Variants in DENND4C observed in about 807,000 individuals in gnomAD.
DENND4C encodes DENN domain containing 4C.
In DENND4C, 108 loss-of-function variants were observed where a neutral mutation model predicts 203.0. The observed-to-expected ratio is 0.53, with a 90% CI of 0.46 to 0.62. The LOEUF (loss-of-function observed/expected upper bound fraction) is 0.62, where lower values mean the gene tolerates loss of function less well. DENND4C is among the 20% of genes least tolerant of loss of function. The pLI is 0.00. For synonymous variants in DENND4C, 871 were observed against 792.4 expected, an observed-to-expected ratio of 1.10 and a Z score of -1.67; for missense variants, 2,481 against 2,301.2, an observed-to-expected ratio of 1.08 and a Z score of -1.60.
At chr9:19,308,711 C>T (rs1446863240) in intron 10 of DENND4C, among the ~76,000 whole-genome samples, 1 of 151,878 alleles carries the variant, frequency 6.6e-6, no homozygotes, top group Middle Eastern at 3.2e-3. Flanking sequence ...GTTTTTGGTT[C>T]TTGTATATGA....
chr9:19,338,014 C>G (rs1383291089), intron 20 of DENND4C, among the ~76,000 whole-genome samples: 1 of 152,164 alleles, frequency 6.6e-6, no homozygotes, highest in Non-Finnish European at 1.5e-5. Flanking sequence ...CTTTCCAAAA[C>G]TTATCTGCTG....
At chr9:19,276,098 T>A (rs1832861792) in intron 1 of DENND4C, 60 bp from the exon 2 acceptor site, 1 of 861,492 alleles carries the variant, frequency 1.2e-6, no homozygotes, top group East Asian at 3.3e-5. Flanking sequence ...CAAGGATATA[T>A]TAATTTTTGT....
At position 19,251,564 on chromosome 9, in the gene DENND4C, T is replaced by C. The variant is rs373618857; in HGVS notation, c.-18+20731T>C. The stretch of plus-strand genomic sequence containing the variant: ...AAATGGGATTTTCTTTTCTATTGCA[T>C]TGTCAGGATGCAAATTTTCTGAACT... On this transcript the variant is annotated intron_variant, in intron 1 of 32. Transcript: ENST00000434457. 2.0e-5 allele frequency among the ~76,000 whole-genome samples: 3 copies of C among 152,338 alleles called. No individual in the cohort carries two copies. The East Asian group carries it at 5.8e-4, about 29-fold the overall frequency.
At chr9:19,277,913 G>T (rs1833208692) in intron 2 of DENND4C, among the ~76,000 whole-genome samples, 1 of 151,978 alleles carries the variant, frequency 6.6e-6, no homozygotes, top group African/African-American at 2.4e-5. Context: ...AGATGATCAT[G>T]TATTTTTTCT....
At chr9:19,330,338 T>G (rs1189681413) in intron 16 of DENND4C, among the ~76,000 whole-genome samples, 1 of 145,756 alleles carries the variant, frequency 6.9e-6, no homozygotes, top group Non-Finnish European at 1.5e-5. Flanking sequence ...AGTTGGTTTT[T>G]TTTTTTTTTT....
chr9:19,266,579 C>T (rs1285098195), intron 1 of DENND4C, among the ~76,000 whole-genome samples: 2 of 152,112 alleles, frequency 1.3e-5, no homozygotes, highest in African/African-American at 2.4e-5. Flanking sequence ...TCAAACTATA[C>T]TACAAGGCTA....
At chr9:19,263,239 G>GATC (rs981419740) in intron 1 of DENND4C, among the ~76,000 whole-genome samples, 4 of 152,250 alleles carry the variant, frequency 2.6e-5, no homozygotes, top group Middle Eastern at 3.4e-3. Context: ...GTATCACATT[G>GATC]ATCGATTTGT....
chr9:19,326,595 T>G (rs1407404004), intron 15 of DENND4C, among the ~76,000 whole-genome samples: 1 of 152,094 alleles, frequency 6.6e-6, no homozygotes, highest in Non-Finnish European at 1.5e-5. Flanking sequence ...AGGATAGGAT[T>G]TGGATGTGAC....
chr9:19,259,319 T>C lies in DENND4C; in HGVS notation c.-17-16839T>C, dbSNP rs1392626843. Among the ~76,000 whole-genome samples, 3 of 152,180 alleles carry C rather than the reference T, an allele frequency of 2.0e-5. No individual in the cohort carries two copies. The East Asian group carries it at 5.8e-4, about 29-fold the overall frequency. On this transcript the variant is annotated intron_variant, in intron 1 of 32. Coordinates refer to ENST00000434457, the MANE Select transcript of DENND4C (RefSeq NM_001330640.2). Reference sequence around the variant, plus strand: ...TTTCCATTAGTTTAATTGTTTTAAGTTGTAGCTCCCACAAATGAGTAAGTG... The same window carrying C: ...TTTCCATTAGTTTAATTGTTTTAAGCTGTAGCTCCCACAAATGAGTAAGTG...
intron 10 of DENND4C, among the ~76,000 whole-genome samples, chr9:19,315,217 T>C (rs1247107578): frequency 6.6e-6 from 1 of 151,548 alleles, no homozygotes; most frequent in African/African-American, 2.4e-5. Flanking sequence ...CCAGTTTTAT[T>C]TGGAAGTTTC....
intron 1 of DENND4C, among the ~76,000 whole-genome samples, chr9:19,267,171 A>G (rs1830675907): frequency 6.6e-6 from 1 of 152,130 alleles, no homozygotes; most frequent in Non-Finnish European, 1.5e-5. Flanking sequence ...TCTTAGTTTT[A>G]TGTCTGGAAG....
intron 30 of DENND4C, among the ~76,000 whole-genome samples, chr9:19,367,209 G>A (rs1827859957): frequency 6.6e-6 from 1 of 152,150 alleles, no homozygotes; most frequent in Non-Finnish European, 1.5e-5. Flanking sequence ...GTGAAGATGT[G>A]GAGAAAGTGG....
intron 21 of DENND4C, among the ~76,000 whole-genome samples, chr9:19,341,660 G>T (rs1053963989): frequency 6.6e-6 from 1 of 152,106 alleles, no homozygotes; most frequent in Non-Finnish European, 1.5e-5. Flanking sequence ...TTCCAGGGAA[G>T]TGTGACCCAT....
intron 17 of DENND4C, among the ~76,000 whole-genome samples, chr9:19,334,394 G>A (rs1411308785): frequency 6.6e-6 from 1 of 152,070 alleles, no homozygotes; most frequent in African/African-American, 2.4e-5. Context: ...AAATTATGAG[G>A]AGTAATAGTC....
chr9:19,289,486 T>C (rs1045246321), intron 4 of DENND4C, among the ~76,000 whole-genome samples: 1 of 152,100 alleles, frequency 6.6e-6, no homozygotes, highest in Non-Finnish European at 1.5e-5. Flanking sequence ...ATTTATAATA[T>C]AAAAATAATG....
At chr9:19,265,476 T>G (rs928735687) in intron 1 of DENND4C, among the ~76,000 whole-genome samples, 3 of 152,238 alleles carry the variant, frequency 2.0e-5, no homozygotes, top group African/African-American at 7.2e-5. Context: ...TATTATACTT[T>G]AAGTTCTAGG....
Position 19,234,850 on chromosome 9 carries a change from T to C in DENND4C, c.-18+4017T>C, listed in dbSNP as rs572445446. 1.9e-4 allele frequency among the ~76,000 whole-genome samples: 29 copies of C among 151,498 alleles called. 2 individuals are homozygous for C. The highest frequency in any genetic ancestry group is 7.0e-4 in the African/African-American group (29 of 41,354). ...AGCCACTTTGTCTGACCCATACTTT[T>C]TTACTCTTAAAATAATGCTATAATG... On this transcript the variant is annotated intron_variant, in intron 1 of 32. Coordinates refer to ENST00000434457, the MANE Select transcript of DENND4C (RefSeq NM_001330640.2).
Position 19,296,249 on chromosome 9 carries a change from ATG to A in DENND4C, c.1040+5_1040+6del. The A allele has an allele frequency of 6.4e-7, 1 of 1,567,438 alleles. No individual in the cohort carries two copies. The highest frequency in any genetic ancestry group is 2.2e-5 in the East Asian group (1 of 44,534). ...CCACATCCTCTTCCCATTGAAAAGT[ATG>A]TATAATGATTAGAAAGATGGCTGGT... is the stretch of plus-strand genomic sequence containing the variant. On this transcript the variant is annotated splice_donor_5th_base_variant and intron_variant, in intron 6 of 32. Coordinates refer to ENST00000434457, the MANE Select transcript of DENND4C (RefSeq NM_001330640.2).
Position 19,332,068 on chromosome 9 carries a change from T to C in DENND4C, c.2344T>C (p.Trp782Arg). The C allele has an allele frequency of 6.2e-7, 1 of 1,614,116 alleles. No homozygotes were observed. Among genetic ancestry groups the C allele is most frequent in the Non-Finnish European group, 8.5e-7 (1 of 1,179,986 alleles). Residue 782 changes from tryptophan to arginine, a missense_variant, in exon 17 of 33, where the codon TGG becomes CGG. Trp to Arg is a moderately radical substitution (Grantham distance 101). Coordinates refer to ENST00000434457, the MANE Select transcript of DENND4C (RefSeq NM_001330640.2). Reference sequence around the variant, plus strand: ...TCTGTTTAGTCATTGTTACAGTTTATGGTTTATTTGTCTTCCGGCCTATGT... The same window carrying C: ...TCTGTTTAGTCATTGTTACAGTTTACGGTTTATTTGTCTTCCGGCCTATGT... ...KCLFSHCYSL[W>R]FICLPAYVRV...
Sources: gnomAD v4.1 joint callset for allele counts (sites outside exome capture counted in the v4.1 genomes callset) on GRCh38, gnomAD v4.1.1 for gene constraint, MANE v1.5 for transcripts, NCBI Gene and HGNC (gene_info 2026-07-23, HGNC 2026-07-21) for gene names.